IQUB: variants seen among roughly 807,000 people sequenced by gnomAD.
The protein encoded by IQUB is IQ motif and ubiquitin-like domain-containing protein.
A neutral mutation model predicts 86.4 loss-of-function variants in IQUB; 86 were observed. The observed-to-expected ratio is 1.00, with a 90% CI of 0.84 to 1.19. The LOEUF is 1.19. Ranked by LOEUF, IQUB falls within the 50% of genes most tolerant of loss-of-function variation. The probability of loss-of-function intolerance (pLI) is 0.00; values close to 1 mark genes in which losing one functional copy is unlikely to be tolerated. For missense variants in IQUB, 946 were observed against 916.9 expected, an observed-to-expected ratio of 1.03 and a Z score of -0.41; for synonymous variants, 289 against 304.5, an observed-to-expected ratio of 0.95 and a Z score of 0.53.
chr7:123,493,720 AAT>A (rs1795577947), intron 7 of IQUB, among the ~76,000 whole-genome samples: 6 of 132,728 alleles, frequency 4.5e-5, no homozygotes, highest in South Asian at 4.7e-4. Context: ...CCCTGAGAGA[AAT>A]GTGTGTGTAT....
intron 1 of IQUB, among the ~76,000 whole-genome samples, chr7:123,527,077 G>A (rs1043289742): frequency 3.3e-5 from 5 of 152,078 alleles, no homozygotes; most frequent in African/African-American, 9.6e-5. Flanking sequence ...ATCTTCCATC[G>A]CTGATACCCT....
chr7:123,488,246 C>CA (rs1258861293), intron 7 of IQUB, among the ~76,000 whole-genome samples: 1 of 150,766 alleles, frequency 6.6e-6, no homozygotes, highest in African/African-American at 2.4e-5. Flanking sequence ...GAGGCTGAGG[C>CA]AGGAGAATGG....
At chr7:123,522,440 G>C (rs904948199) in intron 1 of IQUB, among the ~76,000 whole-genome samples, 1 of 152,146 alleles carries the variant, frequency 6.6e-6, no homozygotes, top group Non-Finnish European at 1.5e-5. Flanking sequence ...GAGATACAGA[G>C]GTTTCTTAAC....
chr7:123,460,060 CTGAGGCAGAA>C (rs967956983), intron 11 of IQUB, among the ~76,000 whole-genome samples: 1 of 151,854 alleles, frequency 6.6e-6, no homozygotes, highest in African/African-American at 2.4e-5. Flanking sequence ...ACTTTTATTT[CTGAGGCAGAA>C]CAGCATGTGT....
At chr7:123,480,114 T>G (rs1794938793) in intron 7 of IQUB, 144 bp from the exon 8 acceptor site, 1 of 623,410 alleles carries the variant, frequency 1.6e-6, no homozygotes, top group South Asian at 2.4e-5. Context: ...ACCTGATGCA[T>G]GAAAAAAGTG....
At chr7:123,497,874 G>A (rs1795772278) in intron 6 of IQUB, among the ~76,000 whole-genome samples, 1 of 151,654 alleles carries the variant, frequency 6.6e-6, no homozygotes, top group African/African-American at 2.4e-5. Context: ...CACTGGAGAA[G>A]CAAGTCAGAA....
intron 7 of IQUB, among the ~76,000 whole-genome samples, chr7:123,492,708 T>C (rs1452706430): frequency 6.6e-6 from 1 of 152,128 alleles, no homozygotes; most frequent in African/African-American, 2.4e-5. Flanking sequence ...CTTTGGGAGA[T>C]GAGTGAATGA....
intron 8 of IQUB, among the ~76,000 whole-genome samples, chr7:123,472,736 C>T (rs949780188): frequency 6.6e-6 from 1 of 152,242 alleles, no homozygotes; most frequent in African/African-American, 2.4e-5. Flanking sequence ...TCTGCCAACA[C>T]AGATAACTTG....
intron 8 of IQUB, among the ~76,000 whole-genome samples, chr7:123,473,568 T>C (rs1221691763): frequency 6.6e-6 from 1 of 151,186 alleles, no homozygotes; most frequent in Non-Finnish European, 1.5e-5. Flanking sequence ...GTTCTTTTGT[T>C]TTTTTGTTTT....
intron 10 of IQUB, among the ~76,000 whole-genome samples, chr7:123,463,068 A>G (rs1315193776): frequency 6.6e-6 from 1 of 151,724 alleles, no homozygotes; most frequent in African/African-American, 2.4e-5. Context: ...GTAGTTTGAG[A>G]TATTAAAGAG....
intron 11 of IQUB, among the ~76,000 whole-genome samples, chr7:123,461,142 G>C (rs1339581642): frequency 1.3e-5 from 2 of 151,602 alleles, no homozygotes; most frequent in African/African-American, 4.8e-5. Context: ...CAAATATTGA[G>C]GGCCTTAAAT....
intron 7 of IQUB, 90 bp downstream of exon 7, chr7:123,496,606 A>T (rs1332446454): frequency 1.3e-6 from 1 of 775,058 alleles, no homozygotes; most frequent in Admixed American, 3.4e-5. Context: ...CCCTAAAATA[A>T]TAACACCTTC....
intron 7 of IQUB, among the ~76,000 whole-genome samples, chr7:123,489,722 A>C (rs960016850): frequency 3.3e-5 from 5 of 151,842 alleles, no homozygotes; most frequent in South Asian, 2.1e-4. Context: ...GCAAAAAAAA[A>C]CATAAGAGAT....
chr7:123,510,467 G>A (rs180920389), intron 2 of IQUB, among the ~76,000 whole-genome samples: 2 of 152,156 alleles, frequency 1.3e-5, no homozygotes, highest in East Asian at 3.9e-4. Flanking sequence ...AGAAAAGAGA[G>A]AATCAAGATA....
At chr7:123,497,138 G>A (rs992316033) in intron 6 of IQUB, among the ~76,000 whole-genome samples, 2 of 152,044 alleles carry the variant, frequency 1.3e-5, no homozygotes, top group African/African-American at 2.4e-5. Flanking sequence ...ATGTTTGTAC[G>A]ATCCTTAACA....
chr7:123,515,634 AC>A (rs1433205497), intron 1 of IQUB, among the ~76,000 whole-genome samples: 2 of 152,194 alleles, frequency 1.3e-5, no homozygotes, highest in Non-Finnish European at 2.9e-5. Flanking sequence ...CTGAGAACAA[AC>A]ACATAAAAAT....
At chr7:123,456,932 T>C (rs1401479488) in intron 12 of IQUB, among the ~76,000 whole-genome samples, 2 of 152,110 alleles carry the variant, frequency 1.3e-5, no homozygotes, top group African/African-American at 2.4e-5. Flanking sequence ...TGGGTGTTTT[T>C]AAGCAGACTC....
intron 6 of IQUB, among the ~76,000 whole-genome samples, chr7:123,498,042 G>A (rs1458416207): frequency 1.3e-5 from 2 of 151,736 alleles, no homozygotes; most frequent in East Asian, 3.9e-4. Flanking sequence ...AGGCAAGAGT[G>A]GTGAGTGTCC....
chr7:123,460,785 G>A (rs774378559), intron 11 of IQUB, among the ~76,000 whole-genome samples: 5 of 151,948 alleles, frequency 3.3e-5, no homozygotes, highest in Admixed American at 6.6e-5. Context: ...TAGGAATTCA[G>A]GTCAGAATTC....
Sources: gnomAD v4.1 joint callset for allele counts (sites outside exome capture counted in the v4.1 genomes callset) on GRCh38, gnomAD v4.1.1 for gene constraint, MANE v1.5 for transcripts, NCBI Gene and HGNC (gene_info 2026-07-23, HGNC 2026-07-21) for gene names.